CCBE1: variants seen among roughly 807,000 people sequenced by gnomAD.
The protein encoded by CCBE1 is collagen and calcium-binding EGF domain-containing protein 1.
Under a neutral mutation model 50.0 loss-of-function variants are expected in CCBE1, and 37 were observed. The observed-to-expected ratio is 0.74, with a 90% CI of 0.57 to 0.97. The LOEUF (loss-of-function observed/expected upper bound fraction) is 0.97, where lower values mean the gene tolerates loss of function less well. Ranked by LOEUF, CCBE1 falls within the 50% of genes least tolerant of loss-of-function variation. The probability of loss-of-function intolerance (pLI) is 0.00; values close to 1 mark genes in which losing one functional copy is unlikely to be tolerated. For synonymous variants in CCBE1, 234 were observed against 203.7 expected (o/e 1.15, Z -1.27); for missense variants, 538 against 523.8 (o/e 1.03, Z -0.26).
chr18:59,639,376 C>G (rs1376283831), intron 2 of CCBE1, among the ~76,000 whole-genome samples: 1 of 152,146 alleles, frequency 6.6e-6, no homozygotes, highest in Non-Finnish European at 1.5e-5. Context: ...ATCACATAAA[C>G]AGAAATAAAG....
intron 2 of CCBE1, among the ~76,000 whole-genome samples, chr18:59,550,697 T>C (rs1275289054): frequency 1.3e-5 from 2 of 152,000 alleles, no homozygotes; most frequent in Non-Finnish European, 2.9e-5. Flanking sequence ...TCTGAAGGTG[T>C]TTTGGAAAAC....
chr18:59,538,172 T>C (rs1915327166), intron 2 of CCBE1, among the ~76,000 whole-genome samples: 1 of 152,236 alleles, frequency 6.6e-6, no homozygotes, highest in Non-Finnish European at 1.5e-5. Context: ...TATTATTGAA[T>C]AGCTACAGTA....
At chr18:59,553,881 T>C (rs1342773644) in intron 2 of CCBE1, among the ~76,000 whole-genome samples, 1 of 152,242 alleles carries the variant, frequency 6.6e-6, no homozygotes, top group East Asian at 1.9e-4. Flanking sequence ...ATTTGTGTAT[T>C]ACAAAGCATG....
chr18:59,488,525 C>A (rs1020924909), intron 2 of CCBE1, among the ~76,000 whole-genome samples: 30 of 152,054 alleles, frequency 2.0e-4, no homozygotes, highest in African/African-American at 7.0e-4. Context: ...AGGTAACAAC[C>A]AGAAGGTACT....
At chr18:59,646,348 G>A (rs558818134) in intron 2 of CCBE1, among the ~76,000 whole-genome samples, 3 of 152,186 alleles carry the variant, frequency 2.0e-5, no homozygotes, top group Non-Finnish European at 2.9e-5. Context: ...TCCTGAGAGG[G>A]ATTCTACCCA....
chr18:59,591,913 G>C (rs2053275984), intron 2 of CCBE1, among the ~76,000 whole-genome samples: 1 of 152,194 alleles, frequency 6.6e-6, no homozygotes, highest in South Asian at 2.1e-4. Context: ...TACAGGTTAA[G>C]CCTCCTTAAA....
At chr18:59,568,028 C>T (rs568329301) in intron 2 of CCBE1, among the ~76,000 whole-genome samples, 35 of 151,760 alleles carry the variant, frequency 2.3e-4, no homozygotes, top group African/African-American at 7.7e-4. Flanking sequence ...TTTTTAAGTC[C>T]GAATTCATAT....
At chr18:59,490,835 TA>T (rs1288528408) in intron 2 of CCBE1, among the ~76,000 whole-genome samples, 2 of 152,242 alleles carry the variant, frequency 1.3e-5, no homozygotes, top group Non-Finnish European at 2.9e-5. Flanking sequence ...AGGTTTACTT[TA>T]CATAAGATTT....
intron 2 of CCBE1, among the ~76,000 whole-genome samples, chr18:59,494,323 C>T (rs1484837657): frequency 6.6e-6 from 1 of 152,194 alleles, no homozygotes; most frequent in East Asian, 1.9e-4. Flanking sequence ...GCTCAGCTTT[C>T]CTCTGGGGAA....
intron 2 of CCBE1, among the ~76,000 whole-genome samples, chr18:59,628,660 G>A (rs1166847990): frequency 6.6e-6 from 1 of 152,152 alleles, no homozygotes; most frequent in African/African-American, 2.4e-5. Flanking sequence ...TCTAACCTGA[G>A]ACAATCAAGT....
At chr18:59,673,671 A>G (rs2054463345) in intron 2 of CCBE1, among the ~76,000 whole-genome samples, 1 of 152,166 alleles carries the variant, frequency 6.6e-6, no homozygotes, top group Non-Finnish European at 1.5e-5. Flanking sequence ...AATTTTATTG[A>G]AGGCCTTTTC....
At chr18:59,677,684 A>G (rs188254068) in intron 2 of CCBE1, among the ~76,000 whole-genome samples, 2 of 145,826 alleles carry the variant, frequency 1.4e-5, no homozygotes, top group Non-Finnish European at 3.1e-5. Flanking sequence ...AGTCTTTTTA[A>G]AAGATTATCT....
chr18:59,549,135 G>T (rs1373009909), intron 2 of CCBE1, among the ~76,000 whole-genome samples: 4 of 150,196 alleles, frequency 2.7e-5, no homozygotes, highest in African/African-American at 9.8e-5. Context: ...ACTTTGCATG[G>T]TGAGGGTCTT....
intron 2 of CCBE1, among the ~76,000 whole-genome samples, chr18:59,503,098 C>A (rs1049608475): frequency 6.6e-6 from 1 of 152,198 alleles, no homozygotes; most frequent in Non-Finnish European, 1.5e-5. Context: ...CCTCAAAGGA[C>A]AGGCCTGTGA....
At chr18:59,640,988 T>A (rs997033913) in intron 2 of CCBE1, among the ~76,000 whole-genome samples, 6 of 152,066 alleles carry the variant, frequency 3.9e-5, no homozygotes, top group Non-Finnish European at 7.4e-5. Flanking sequence ...CTGATGCTGG[T>A]GAGGCTGCAG....
At chr18:59,544,202 G>T (rs1245554119) in intron 2 of CCBE1, among the ~76,000 whole-genome samples, 6 of 152,146 alleles carry the variant, frequency 3.9e-5, no homozygotes, top group Non-Finnish European at 8.8e-5. Flanking sequence ...CCACATAGTA[G>T]GTGATTTTTC....
At chr18:59,557,486 G>T (rs948931125) in intron 2 of CCBE1, among the ~76,000 whole-genome samples, 2 of 152,124 alleles carry the variant, frequency 1.3e-5, no homozygotes, top group Non-Finnish European at 2.9e-5. Flanking sequence ...AGTAACAGAA[G>T]GATCAGGGGC....
intron 2 of CCBE1, among the ~76,000 whole-genome samples, chr18:59,503,189 T>A (rs1212990055): frequency 6.6e-6 from 1 of 152,168 alleles, no homozygotes; most frequent in African/African-American, 2.4e-5. Context: ...CATGTGGAAA[T>A]CCAGTCCCCA....
chr18:59,440,554 C>A lies in CCBE1; in HGVS notation c.776-738G>T, dbSNP rs577227240. On this transcript the variant is annotated intron_variant, in intron 7 of 10. Transcript: ENST00000439986. Reference sequence around the variant, plus strand: ...GATGACACATCTAAAACAAGTCTTACTATGTAACCCACCTACTTTCAACCT... The same window carrying A: ...GATGACACATCTAAAACAAGTCTTAATATGTAACCCACCTACTTTCAACCT... 8.5e-5 allele frequency among the ~76,000 whole-genome samples: 13 copies of A among 152,262 alleles called. No homozygotes were observed. The South Asian group carries it at 2.5e-3, about 29-fold the overall frequency.
Sources: gnomAD v4.1 joint callset for allele counts (sites outside exome capture counted in the v4.1 genomes callset) on GRCh38, gnomAD v4.1.1 for gene constraint, MANE v1.5 for transcripts, NCBI Gene and HGNC (gene_info 2026-07-23, HGNC 2026-07-21) for gene names.